Variants in BMPR2 observed in about 807,000 individuals in gnomAD.
BMPR2 encodes the protein bone morphogenetic protein receptor type-2.
Under a neutral mutation model 100.8 loss-of-function variants are expected in BMPR2, and 29 were observed. That is an observed-to-expected ratio of 0.29 (90% confidence interval 0.21 to 0.39). BMPR2 has a LOEUF of 0.39. Among genes scored for constraint, BMPR2 ranks in the 10% least tolerant of loss-of-function variants. The pLI is 1.00. For missense variants in BMPR2, 1,011 were observed against 1,274.5 expected (o/e 0.79, Z 3.15); for synonymous variants, 382 against 442.3 (o/e 0.86, Z 1.71).
chr2:202,376,404 C>T lies in BMPR2; in HGVS notation c.-1071C>T, dbSNP rs1429434769. On this transcript the variant is annotated 5_prime_UTR_variant, in exon 1 of 13. Coordinates refer to ENST00000374580, the MANE Select transcript of BMPR2 (RefSeq NM_001204.7). ...AGGGACGCAGGGTGTCTCGCCGCCT[C>T]CCTGCCCACCCCCTTCCCCGGCTAC... Among the ~76,000 whole-genome samples, 2 of 148,324 alleles carry T rather than the reference C, an allele frequency of 1.3e-5. No individual in the cohort carries two copies. The highest frequency in any genetic ancestry group is 6.7e-5 in the Admixed American group (1 of 14,918).
intron 1 of BMPR2, among the ~76,000 whole-genome samples, chr2:202,390,768 G>T (rs574633156): frequency 9.9e-5 from 15 of 152,090 alleles, no homozygotes; most frequent in African/African-American, 3.6e-4. Flanking sequence ...TTTCATGCTT[G>T]TCAGCCAGTT....
chr2:202,472,474 C>G (rs1185184921), intron 3 of BMPR2, among the ~76,000 whole-genome samples: 1 of 152,100 alleles, frequency 6.6e-6, no homozygotes, highest in South Asian at 2.1e-4. Context: ...GCCTGGCTAC[C>G]AAGGTGAAAC....
chr2:202,479,580 C>T (rs887946022), intron 3 of BMPR2, among the ~76,000 whole-genome samples: 8 of 152,110 alleles, frequency 5.3e-5, no homozygotes, highest in Non-Finnish European at 1.0e-4. Context: ...ACATTCCCAC[C>T]AGAGTGGCAC....
chr2:202,468,289 C>T (rs1692365621), intron 3 of BMPR2, among the ~76,000 whole-genome samples: 1 of 152,030 alleles, frequency 6.6e-6, no homozygotes, highest in African/African-American at 2.4e-5. Flanking sequence ...CCAGCCTGGG[C>T]AACATAGTGA....
chr2:202,454,006 T>C (rs977822412), intron 1 of BMPR2, among the ~76,000 whole-genome samples: 2 of 152,142 alleles, frequency 1.3e-5, no homozygotes, highest in African/African-American at 4.8e-5. Flanking sequence ...GTGAGTAAAA[T>C]ATTGCAGTAA....
chr2:202,479,257 A>G (rs994036102), intron 3 of BMPR2, among the ~76,000 whole-genome samples: 22 of 152,180 alleles, frequency 1.4e-4, no homozygotes, highest in Admixed American at 1.1e-3. Flanking sequence ...CCAGCAAGGA[A>G]CTGAGGCCCA....
At chr2:202,470,977 T>TG (rs1213634902) in intron 3 of BMPR2, among the ~76,000 whole-genome samples, 1 of 152,118 alleles carries the variant, frequency 6.6e-6, no homozygotes, top group African/African-American at 2.4e-5. Context: ...GAGGATCACT[T>TG]GAACTTGGGA....
chr2:202,429,282 G>T (rs1691454989), intron 1 of BMPR2, among the ~76,000 whole-genome samples: 1 of 152,124 alleles, frequency 6.6e-6, no homozygotes. Flanking sequence ...CCTACAAAAT[G>T]AAGTTCAAAC....
chr2:202,486,652 G>T (rs915375299), intron 3 of BMPR2, among the ~76,000 whole-genome samples: 1 of 150,994 alleles, frequency 6.6e-6, no homozygotes, highest in Non-Finnish European at 1.5e-5. Flanking sequence ...CACATTAAAG[G>T]CTTATTGCAC....
intron 1 of BMPR2, among the ~76,000 whole-genome samples, chr2:202,453,649 CAG>C (rs1328640203): frequency 6.6e-5 from 10 of 152,222 alleles, no homozygotes; most frequent in African/African-American, 2.4e-4. Flanking sequence ...AGATGGTTAT[CAG>C]AGGCTGAGAA....
rs543864519 is a variant in BMPR2, at chr2:202,503,866, T to A, written c.419-9853T>A. 6.6e-6 allele frequency among the ~76,000 whole-genome samples: 1 copy of A among 152,308 alleles called. No individual in the cohort carries two copies. Among genetic ancestry groups the A allele is most frequent in the Non-Finnish European group, 1.5e-5 (1 of 68,014 alleles). On this transcript the variant is annotated intron_variant, in intron 3 of 12. Coordinates refer to ENST00000374580, the MANE Select transcript of BMPR2 (RefSeq NM_001204.7). This position sits in a 1 kb window ranked among gnomAD's most constrained non-coding sequence, Gnocchi z 4.0. ...GGTGGGGACATGGAGAACCTTTATG[T>A]CTAGCTCAGGGATTGTAAATACACC...
rs1559076142 is a variant in BMPR2 at position 202,561,312 on chromosome 2, ATTATCT to A, written c.*1369_*1374del. The stretch of plus-strand genomic sequence containing the variant: ...ATTTTTCCTTTTGCCAGTTTTTCAC[ATTATCT>A]TTGATATGTGAGCAACATTTATTAT... On this transcript the variant is annotated 3_prime_UTR_variant, in exon 13 of 13. Coordinates refer to ENST00000374580, the MANE Select transcript of BMPR2 (RefSeq NM_001204.7). 1 of 152,120 alleles carries A rather than the reference ATTATCT, an allele frequency of 6.6e-6. No individual in the cohort carries two copies. The highest frequency in any genetic ancestry group is 6.5e-5 in the Admixed American group (1 of 15,268). The allele number at this position is 152,120 out of a possible 1,614,324, so 9.4% of individuals were successfully genotyped here. A position where few individuals can be genotyped will look rare whatever the true frequency, so the allele number is the denominator to read the frequency against.
intron 3 of BMPR2, among the ~76,000 whole-genome samples, chr2:202,473,014 A>G (rs1227229061): frequency 6.6e-6 from 1 of 152,220 alleles, no homozygotes; most frequent in Non-Finnish European, 1.5e-5. Context: ...TGCAATTGCT[A>G]GGTGTTTAAC....
chr2:202,542,397 A>G lies in BMPR2; in HGVS notation c.1363A>G (p.Arg455Gly). 1 of 1,614,158 alleles carries G rather than the reference A, an allele frequency of 6.2e-7. No homozygotes were observed. Among genetic ancestry groups the G allele is most frequent in the Non-Finnish European group, 8.5e-7 (1 of 1,180,012 alleles). ...TGAGGATATGCAGGTTCTCGTGTCT[A>G]GGGAAAAACAGAGACCCAAGTTCCC... ...TFEDMQVLVS[R>G]EKQRPKFPEA... Residue 455 changes from arginine to glycine, a missense_variant, in exon 10 of 13, where the codon AGG becomes GGG. Arg to Gly is a moderately radical substitution (Grantham distance 125). This residue lies in a region of BMPR2 where 83 missense variants were observed against 140.7 expected (regional missense o/e 0.59). Transcript: ENST00000374580.
intron 3 of BMPR2, among the ~76,000 whole-genome samples, chr2:202,512,205 CTT>C (rs1436549598): frequency 6.6e-6 from 1 of 152,164 alleles, no homozygotes; most frequent in Non-Finnish European, 1.5e-5. Context: ...TAGAGGAACT[CTT>C]TGCCGTAGAG....
chr2:202,388,420 A>AG (rs1559022243), intron 1 of BMPR2, among the ~76,000 whole-genome samples: 1 of 148,568 alleles, frequency 6.7e-6, no homozygotes, highest in Non-Finnish European at 1.5e-5. Context: ...AAAAAAAAAA[A>AG]CATTGTTTGT....
Position 202,555,896 on chromosome 2 carries a change from C to T in BMPR2, c.2231C>T (p.Pro744Leu), listed in dbSNP as rs1688560546. 6.2e-7 allele frequency: 1 copy of T among 1,614,018 alleles called. No homozygotes were observed. The highest frequency in any genetic ancestry group is 1.3e-5 in the African/African-American group (1 of 74,908). Residue 744 changes from proline to leucine, a missense_variant, in exon 12 of 13, where the codon CCT becomes CTT. Transcript: ENST00000374580. ...IPDVLPTQIY[P>L]LPKQQNLPKR... ...GATGTTCTGCCTACTCAGATCTATC[C>T]TCTCCCCAAGCAGCAGAACCTTCCC...
intron 12 of BMPR2, among the ~76,000 whole-genome samples, 154 bp from the exon 13 acceptor site, chr2:202,559,542 T>G (rs1248065852): frequency 6.6e-6 from 1 of 152,204 alleles, no homozygotes; most frequent in East Asian, 1.9e-4. Context: ...GGTTAAGCTT[T>G]TCCTGGAAAA....
At chr2:202,420,569 G>C (rs1691241000) in intron 1 of BMPR2, among the ~76,000 whole-genome samples, 1 of 89,618 alleles carries the variant, frequency 1.1e-5, no homozygotes, top group African/African-American at 4.3e-5. Flanking sequence ...TTTTTTTTGA[G>C]ACAGAGTCTT....
Sources: gnomAD v4.1 joint callset for allele counts (sites outside exome capture counted in the v4.1 genomes callset) on GRCh38, gnomAD v4.1.1 for gene constraint, gnomAD v4.1.1 regional missense constraint, Gnocchi (gnomAD v3.1) non-coding constraint, MANE v1.5 for transcripts, NCBI Gene and HGNC (gene_info 2026-07-23, HGNC 2026-07-21) for gene names.